Variants in SPOCK1 observed in about 807,000 individuals in gnomAD.
SPOCK1 encodes testican-1.
In SPOCK1, 23 loss-of-function variants were observed where a neutral mutation model predicts 55.3. That is an observed-to-expected ratio of 0.42 (90% CI 0.30 to 0.59). The LOEUF is 0.59. SPOCK1 is among the 20% of genes least tolerant of loss of function. The pLI is 0.22. For missense variants in SPOCK1, 499 were observed against 552.5 expected (o/e 0.90, Z 0.97); for synonymous variants, 226 against 221.0 (o/e 1.02, Z -0.20).
chr5:137,122,255 A>ATG (rs879664604), intron 4 of SPOCK1, among the ~76,000 whole-genome samples: 7 of 109,670 alleles, frequency 6.4e-5, no homozygotes, highest in South Asian at 3.0e-4. Flanking sequence ...ACACACACAC[A>ATG]CGCACACACA....
intron 3 of SPOCK1, among the ~76,000 whole-genome samples, chr5:137,146,164 G>A (rs781188390): frequency 5.3e-5 from 8 of 152,116 alleles, no homozygotes; most frequent in South Asian, 2.1e-4. Context: ...ATTCTCGTCC[G>A]CCAAATGACA....
chr5:137,154,314 A>T (rs1754373131), intron 3 of SPOCK1, among the ~76,000 whole-genome samples: 1 of 152,142 alleles, frequency 6.6e-6, no homozygotes, highest in Non-Finnish European at 1.5e-5. Flanking sequence ...ATAATAGAGA[A>T]GCTCCTAGGT....
At chr5:137,412,921 T>G (rs1317155000) in intron 2 of SPOCK1, among the ~76,000 whole-genome samples, 1 of 152,088 alleles carries the variant, frequency 6.6e-6, no homozygotes, top group Non-Finnish European at 1.5e-5. Flanking sequence ...TGTACTCTGA[T>G]TATCTGACTA....
chr5:137,434,962 T>A (rs933801786), intron 2 of SPOCK1, among the ~76,000 whole-genome samples: 2 of 152,308 alleles, frequency 1.3e-5, no homozygotes, highest in East Asian at 3.9e-4. Flanking sequence ...ATGGAAAACA[T>A]GAAGAAACAA....
chr5:137,416,053 A>T (rs1486591529), intron 2 of SPOCK1, among the ~76,000 whole-genome samples: 1 of 152,150 alleles, frequency 6.6e-6, no homozygotes, highest in Non-Finnish European at 1.5e-5. Flanking sequence ...AAAACCTTAA[A>T]ATCAGCCAGA....
At chr5:136,994,093 C>A (rs1179527646) in intron 6 of SPOCK1, among the ~76,000 whole-genome samples, 1 of 152,144 alleles carries the variant, frequency 6.6e-6, no homozygotes, top group African/African-American at 2.4e-5. Flanking sequence ...TGACCAGGCC[C>A]TGACTGGGTC....
At chr5:137,370,573 A>G (rs1448564446) in intron 2 of SPOCK1, among the ~76,000 whole-genome samples, 1 of 152,234 alleles carries the variant, frequency 6.6e-6, no homozygotes, top group Non-Finnish European at 1.5e-5. Context: ...TCATTAAAGA[A>G]TGCATCATTC....
intron 2 of SPOCK1, among the ~76,000 whole-genome samples, chr5:137,347,224 G>C (rs181289419): frequency 1.1e-3 from 168 of 152,280 alleles, no homozygotes; most frequent in Non-Finnish European, 1.4e-3. Flanking sequence ...GTGACCACCT[G>C]GGGAAAGTTC....
At chr5:137,376,579 T>C (rs1751323456) in intron 2 of SPOCK1, among the ~76,000 whole-genome samples, 2 of 152,246 alleles carry the variant, frequency 1.3e-5, no homozygotes, top group African/African-American at 2.4e-5. Context: ...ATATCCACCA[T>C]ACAAAGGTTT....
At chr5:137,219,879 T>C in intron 3 of SPOCK1, among the ~76,000 whole-genome samples, 1 of 152,162 alleles carries the variant, frequency 6.6e-6, no homozygotes. Flanking sequence ...TTAGAGCTGC[T>C]TTGCCTCCTT....
At chr5:137,109,054 C>T (rs570934632) in intron 5 of SPOCK1, among the ~76,000 whole-genome samples, 3 of 152,190 alleles carry the variant, frequency 2.0e-5, no homozygotes, top group Non-Finnish European at 2.9e-5. Context: ...GCATTTTAAG[C>T]TCCTCCTGCG....
chr5:137,125,764 G>A (rs1328862712), intron 4 of SPOCK1, among the ~76,000 whole-genome samples: 2 of 152,192 alleles, frequency 1.3e-5, no homozygotes, highest in East Asian at 3.9e-4. Flanking sequence ...GAAGTGGGGT[G>A]CTGCAGTGAC....
chr5:137,447,612 C>G (rs1338572432), intron 2 of SPOCK1, among the ~76,000 whole-genome samples: 2 of 36,818 alleles, frequency 5.4e-5, no homozygotes, highest in East Asian at 8.6e-4. Flanking sequence ...CATTCCCCCC[C>G]CCAATATATG....
intron 2 of SPOCK1, among the ~76,000 whole-genome samples, chr5:137,361,863 T>A (rs1013830864): frequency 1.3e-5 from 2 of 152,142 alleles, no homozygotes; most frequent in African/African-American, 4.8e-5. Context: ...AGACTCTGGG[T>A]GAGTTCATGT....
At chr5:137,132,137 T>C (rs1271167695) in intron 4 of SPOCK1, among the ~76,000 whole-genome samples, 2 of 129,020 alleles carry the variant, frequency 1.6e-5, no homozygotes, top group Non-Finnish European at 3.1e-5. Context: ...ATAGTGCCAC[T>C]GCACTCCAGC....
At chr5:137,259,230 G>A (rs1756699148) in intron 3 of SPOCK1, among the ~76,000 whole-genome samples, 1 of 152,114 alleles carries the variant, frequency 6.6e-6, no homozygotes, top group South Asian at 2.1e-4. Flanking sequence ...CAAAGACGTG[G>A]AACCAACCCA....
At position 137,453,726 on chromosome 5, in the gene SPOCK1, T is replaced by C. The variant is rs549358595; in HGVS notation, c.186+44647A>G. Among the ~76,000 whole-genome samples, 3 of 152,258 alleles carry C rather than the reference T, an allele frequency of 2.0e-5. No individual in the cohort carries two copies. In the South Asian group the frequency reaches 6.2e-4, roughly 32 times the overall value. ...TGAGATACATATTACCACTGCCCCA[T>C]AGGTATCTATGCCACAATAGTGATG... On this transcript the variant is annotated intron_variant, in intron 2 of 10. Coordinates refer to ENST00000394945, the MANE Select transcript of SPOCK1 (RefSeq NM_004598.4).
intron 5 of SPOCK1, among the ~76,000 whole-genome samples, chr5:137,109,370 C>G (rs1017721677): frequency 9.9e-5 from 15 of 152,196 alleles, no homozygotes; most frequent in African/African-American, 3.4e-4. Context: ...TCTCTGCACC[C>G]CATTGACTCA....
chr5:137,236,867 GA>G (rs1313176397), intron 3 of SPOCK1, among the ~76,000 whole-genome samples: 1 of 152,170 alleles, frequency 6.6e-6, no homozygotes, highest in East Asian at 1.9e-4. Flanking sequence ...ATATAATGAA[GA>G]GCTCATTTCA....
Sources: gnomAD v4.1 joint callset for allele counts (sites outside exome capture counted in the v4.1 genomes callset) on GRCh38, gnomAD v4.1.1 for gene constraint, MANE v1.5 for transcripts, NCBI Gene and HGNC (gene_info 2026-07-23, HGNC 2026-07-21) for gene names.